The following KCNN2 variants were observed in gnomAD, a reference collection of about 807,000 sequenced individuals.
The protein encoded by KCNN2 is small conductance calcium-activated potassium channel protein 2.
A neutral mutation model predicts 55.5 loss-of-function variants in KCNN2; 24 were observed. The ratio of observed to expected loss-of-function variants is 0.43; its 90% CI spans 0.31 to 0.61. The LOEUF (loss-of-function observed/expected upper bound fraction) is 0.61. Among genes scored for constraint, KCNN2 ranks in the 20% least tolerant of loss-of-function variants. The pLI is 0.08. For synonymous variants in KCNN2, 431 were observed against 336.1 expected (o/e 1.28, Z -3.09); for missense variants, 754 against 853.6 (o/e 0.88, Z 1.45).
intron 4 of KCNN2, among the ~76,000 whole-genome samples, chr5:114,464,563 G>A (rs1477948910): frequency 6.6e-6 from 1 of 152,154 alleles, no homozygotes. Flanking sequence ...TGCTCCAAGA[G>A]TCACAGCTAA....
chr5:114,487,235 A>G, intron 6 of KCNN2, 58 bp downstream of exon 6: 1 of 1,509,146 alleles, frequency 6.6e-7, no homozygotes, highest in Non-Finnish European at 9.1e-7. Context: ...CAATTTTTGC[A>G]CTTGTTTATT....
intron 1 of KCNN2, among the ~76,000 whole-genome samples, chr5:114,153,355 C>T (rs896805230): frequency 3.8e-4 from 58 of 152,274 alleles, no homozygotes; most frequent in African/African-American, 1.4e-3. Context: ...AACATATTTT[C>T]CTGCCCTCTG....
At chr5:114,143,031 A>C (rs2112507441) in intron 1 of KCNN2, among the ~76,000 whole-genome samples, 1 of 152,246 alleles carries the variant, frequency 6.6e-6, no homozygotes, top group Non-Finnish European at 1.5e-5. Context: ...CAGGTCAAGA[A>C]ATAATAAACG....
intron 2 of KCNN2, among the ~76,000 whole-genome samples, chr5:114,278,393 A>G (rs1161558102): frequency 1.3e-5 from 2 of 152,238 alleles, no homozygotes; most frequent in African/African-American, 4.8e-5. Flanking sequence ...GCTGACAGGC[A>G]GGGACATTTA....
intron 3 of KCNN2, among the ~76,000 whole-genome samples, chr5:114,415,178 C>T (rs1202588478): frequency 6.6e-6 from 1 of 152,122 alleles, no homozygotes; most frequent in African/African-American, 2.4e-5. Flanking sequence ...GAATACTATT[C>T]TGTTGTAAGA....
At chr5:114,304,427 G>A (rs981175014) in intron 2 of KCNN2, among the ~76,000 whole-genome samples, 1 of 152,180 alleles carries the variant, frequency 6.6e-6, no homozygotes, top group African/African-American at 2.4e-5. Flanking sequence ...TTGCTACTGA[G>A]CCTACCCACC....
At chr5:114,302,544 A>G (rs989333630) in intron 2 of KCNN2, among the ~76,000 whole-genome samples, 3 of 152,198 alleles carry the variant, frequency 2.0e-5, no homozygotes, top group Non-Finnish European at 4.4e-5. Flanking sequence ...AAAAATGACA[A>G]TGGGTGGTTG....
At chr5:114,368,754 T>TTA (rs1757677216) in intron 2 of KCNN2, among the ~76,000 whole-genome samples, 1 of 152,176 alleles carries the variant, frequency 6.6e-6, no homozygotes, top group Admixed American at 6.5e-5. Flanking sequence ...CTTTTAAGTT[T>TTA]TATATATATA....
At chr5:114,416,285 A>C (rs1759301530) in intron 3 of KCNN2, among the ~76,000 whole-genome samples, 1 of 152,124 alleles carries the variant, frequency 6.6e-6, no homozygotes, top group African/African-American at 2.4e-5. Context: ...TGAGGTAGTA[A>C]TTTGTTTTGA....
intron 2 of KCNN2, among the ~76,000 whole-genome samples, chr5:114,371,373 A>C (rs1757755892): frequency 6.6e-6 from 1 of 152,134 alleles, no homozygotes; most frequent in Non-Finnish European, 1.5e-5. Flanking sequence ...TTGAGAGTTG[A>C]TCATTCTCTG....
intron 1 of KCNN2, among the ~76,000 whole-genome samples, chr5:114,101,951 T>C (rs1197222326): frequency 6.6e-6 from 1 of 152,202 alleles, no homozygotes. Flanking sequence ...ATATACCCAG[T>C]AATGGGATTG....
intron 1 of KCNN2, among the ~76,000 whole-genome samples, chr5:114,059,206 G>A (rs1750273784): frequency 6.6e-6 from 1 of 152,270 alleles, no homozygotes; most frequent in South Asian, 2.1e-4. Context: ...GGAAACAAAA[G>A]AAATTCCTGG....
At chr5:114,057,863 T>C (rs1004763054) in intron 1 of KCNN2, among the ~76,000 whole-genome samples, 12 of 152,344 alleles carry the variant, frequency 7.9e-5, no homozygotes, top group African/African-American at 2.9e-4. Flanking sequence ...TTCTTTTATA[T>C]GCATTTGGTT....
intron 1 of KCNN2, among the ~76,000 whole-genome samples, chr5:114,184,780 C>T (rs994950836): frequency 1.4e-4 from 22 of 152,264 alleles, no homozygotes; most frequent in Admixed American, 7.8e-4. Context: ...TGCCCCCTTT[C>T]GCTTACCATG....
intron 2 of KCNN2, among the ~76,000 whole-genome samples, chr5:114,353,071 T>G (rs982118412): frequency 6.6e-6 from 1 of 151,914 alleles, no homozygotes; most frequent in Non-Finnish European, 1.5e-5. Flanking sequence ...TCTGTTTTTA[T>G]GCACATATAT....
intron 3 of KCNN2, among the ~76,000 whole-genome samples, chr5:114,459,980 AT>A (rs1429372431): frequency 6.6e-6 from 1 of 152,150 alleles, no homozygotes; most frequent in Non-Finnish European, 1.5e-5. Flanking sequence ...GCTTGCCTAA[AT>A]GTTCCAGTGT....
At chr5:114,457,500 T>A (rs935229222) in intron 3 of KCNN2, among the ~76,000 whole-genome samples, 3 of 152,226 alleles carry the variant, frequency 2.0e-5, no homozygotes, top group Non-Finnish European at 4.4e-5. Flanking sequence ...CCCCCAGGTA[T>A]GACTGCACTT....
Position 114,379,610 on chromosome 5 carries a change from A to G in KCNN2, c.1218+15609A>G, listed in dbSNP as rs569920209. Among the ~76,000 whole-genome samples the G allele has an allele frequency of 3.7e-4, 36 of 98,350 alleles. 8 individuals are homozygous for G. The highest frequency in any genetic ancestry group is 6.2e-4 in the Non-Finnish European group (33 of 53,436). 64.5% of individuals were successfully genotyped at this position (98,350 alleles called of 152,430 possible). A position where few individuals can be genotyped will look rare whatever the true frequency, so the allele number is the denominator to read the frequency against. On this transcript the variant is annotated intron_variant, in intron 2 of 7. Transcript: ENST00000673685. ...TATATAACATATTATATATTTTAGA[A>G]TATATTATATAACATATTATATATT...
rs150334959 is a variant in KCNN2, at chr5:114,486,030, T to G, written c.1891-1020T>G. On this transcript the variant is annotated intron_variant, in intron 5 of 7. Transcript: ENST00000673685. ...CAGTCCTATGAGGTTAGCTAATCAC[T>G]TCAACCTGACTTGGTTAGTGCAAAG... Among the ~76,000 whole-genome samples, 3 of 152,300 alleles carry G rather than the reference T, an allele frequency of 2.0e-5. No homozygotes were observed. The East Asian group carries it at 5.8e-4, about 29-fold the overall frequency.
Sources: allele counts gnomAD v4.1 joint callset (sites outside exome capture counted in the v4.1 genomes callset), GRCh38; gene constraint gnomAD v4.1.1; transcripts MANE v1.5; gene names NCBI Gene and HGNC (gene_info 2026-07-23, HGNC 2026-07-21).